The following GPATCH2L variants were observed in gnomAD, a reference collection of about 807,000 sequenced individuals.
GPATCH2L encodes the protein G-patch domain containing 2 like, also known as G patch domain-containing protein 2-like.
Under a neutral mutation model 57.4 loss-of-function variants are expected in GPATCH2L, and 31 were observed. The ratio of observed to expected loss-of-function variants is 0.54; its 90% CI spans 0.41 to 0.73. The LOEUF is 0.73. GPATCH2L is among the 30% of genes least tolerant of loss of function. GPATCH2L has a pLI of 0.00. For missense variants in GPATCH2L, 481 were observed against 599.9 expected (o/e 0.80, Z 2.07); for synonymous variants, 199 against 210.7 (o/e 0.94, Z 0.48).
At chr14:76,229,041 A>T (rs2040548895) in intron 1 of GPATCH2L, among the ~76,000 whole-genome samples, 1 of 152,186 alleles carries the variant, frequency 6.6e-6, no homozygotes, top group African/African-American at 2.4e-5. Context: ...CTGTCTCCTG[A>T]CAGAGGCACT....
chr14:76,206,617 G>T lies in GPATCH2L; in HGVS notation c.*4766G>T, dbSNP rs1008690324. Reference sequence around the variant, plus strand: ...GTGGGAAGCAATGGGGAGAGAAAGGGAGATGCCCAGAGCAGGAATTCTCAA... The same window carrying T: ...GTGGGAAGCAATGGGGAGAGAAAGGTAGATGCCCAGAGCAGGAATTCTCAA... On this transcript the variant is annotated 3_prime_UTR_variant, in exon 10 of 10. Coordinates refer to ENST00000261530, the MANE Select transcript of GPATCH2L (RefSeq NM_017926.4). 22 of 152,404 alleles carry T rather than the reference G, an allele frequency of 1.4e-4. No individual in the cohort carries two copies. The highest frequency in any genetic ancestry group is 5.3e-4 in the African/African-American group (22 of 41,456). 9.4% of individuals were successfully genotyped at this position (152,404 alleles called of 1,614,324 possible).
rs1404006367 is a variant in GPATCH2L, at chr14:76,212,838, A to C, written c.*10987A>C. On this transcript the variant is annotated 3_prime_UTR_variant, in exon 10 of 10. Transcript: ENST00000261530. ...TTTGAGGATAGGTGGTCAGAAAAAA[A>C]AATGCAATAAATTAAAGCCAGAAAA... 1 of 152,168 alleles carries C rather than the reference A, an allele frequency of 6.6e-6. No homozygotes were observed. The highest frequency in any genetic ancestry group is 2.4e-5 in the African/African-American group (1 of 41,458). 9.4% of individuals were successfully genotyped at this position (152,168 alleles called of 1,614,324 possible). A position where few individuals can be genotyped will look rare whatever the true frequency, so the allele number is the denominator to read the frequency against.
chr14:76,196,197 A>G (rs888404434), intron 9 of GPATCH2L: 24 of 656,506 alleles, frequency 3.7e-5, no homozygotes, highest in Admixed American at 1.3e-4. Flanking sequence ...GAAACCCTAT[A>G]TTCCACTATC....
At position 76,162,449 on chromosome 14, in the gene GPATCH2L, C is replaced by T. The variant is rs183937694; in HGVS notation, c.663-4214C>T. The stretch of plus-strand genomic sequence containing the variant: ...TTGCAGAAGTGGCAACCTATTGCTT[C>T]TGCCGTGTGCGATCAGTTATACAGA... On this transcript the variant is annotated intron_variant, in intron 2 of 9. Coordinates refer to ENST00000261530, the MANE Select transcript of GPATCH2L (RefSeq NM_017926.4). 3.9e-5 allele frequency among the ~76,000 whole-genome samples: 6 copies of T among 152,308 alleles called. No individual in the cohort carries two copies. The East Asian group carries it at 1.2e-3, about 29-fold the overall frequency.
chr14:76,163,806 G>T (rs540347959), intron 2 of GPATCH2L, among the ~76,000 whole-genome samples: 15 of 152,276 alleles, frequency 9.9e-5, no homozygotes, highest in African/African-American at 2.9e-4. Context: ...CCATATAAGG[G>T]CAGGCAACAG....
chr14:76,177,771 T>C (rs2039396053), intron 6 of GPATCH2L: 1 of 657,432 alleles, frequency 1.5e-6, no homozygotes, highest in Non-Finnish European at 2.7e-6. Flanking sequence ...TTACATCTTT[T>C]CTCTATTCCC....
At chr14:76,215,800 A>C (rs982769111), downstream of GPATCH2L, among the ~76,000 whole-genome samples, 5 of 150,200 alleles carry the variant, frequency 3.3e-5, no homozygotes, top group African/African-American at 9.7e-5. Flanking sequence ...TGGCATCGGG[A>C]GATATACCTA....
rs757781539 is a variant in GPATCH2L, at chr14:76,201,751, C to G, written c.1349C>G (p.Ser450Cys). Residue 450 changes from serine (S) to cysteine (C), a missense_variant, in exon 10 of 10, where the codon TCT (serine) becomes TGT (cysteine). Physicochemically the swap from Ser to Cys is moderately radical, Grantham distance 112. Around this residue, in one of 3 missense-constraint regions of GPATCH2L, gnomAD observed 248 missense variants for 270.5 expected, o/e 0.92. Coordinates refer to ENST00000261530, the MANE Select transcript of GPATCH2L (RefSeq NM_017926.4). ...PASQAPKSPS[S>C]EWLVRTSAAE... is the part of the protein sequence containing the mutation. Reference sequence around the variant, plus strand: ...TCACAAGCCCCCAAATCACCCAGCTCTGAGTGGTTGGTGAGGACCTCTGCA... The same window carrying G: ...TCACAAGCCCCCAAATCACCCAGCTGTGAGTGGTTGGTGAGGACCTCTGCA... The G allele has an allele frequency of 1.4e-5, 23 of 1,613,924 alleles. No homozygotes were observed. The highest frequency in any genetic ancestry group is 1.9e-5 in the Non-Finnish European group (23 of 1,179,922).
intron 2 of GPATCH2L, among the ~76,000 whole-genome samples, chr14:76,160,419 T>C (rs1029752312): frequency 6.6e-6 from 1 of 152,170 alleles, no homozygotes; most frequent in Non-Finnish European, 1.5e-5. Context: ...GTATTCTCTA[T>C]TGCTACAGAA....
At chr14:76,156,910 G>A (rs544110983) in intron 2 of GPATCH2L, among the ~76,000 whole-genome samples, 1 of 152,286 alleles carries the variant, frequency 6.6e-6, no homozygotes, top group East Asian at 1.9e-4. Context: ...GCACATTCTA[G>A]TCAGGATGTA....
At chr14:76,155,646 C>G (rs2038272160) in intron 2 of GPATCH2L, among the ~76,000 whole-genome samples, 1 of 152,314 alleles carries the variant, frequency 6.6e-6, no homozygotes, top group Admixed American at 6.5e-5. Flanking sequence ...AAATTTGTCT[C>G]TAATGGGTAC....
Position 76,224,075 on chromosome 14 carries a change from G to C in GPATCH2L, c.66-5733G>C, listed in dbSNP as rs369825422. On this transcript the variant is annotated intron_variant and NMD_transcript_variant, in intron 1 of 3. Coordinates refer to the GPATCH2L transcript ENST00000556372. ...TCTGCCATGAAAAGACTGAAGTACTGATTCATGTGGCAACATGGATTAACT... is the reference window on the plus strand; with the variant it reads ...TCTGCCATGAAAAGACTGAAGTACTCATTCATGTGGCAACATGGATTAACT... Among the ~76,000 whole-genome samples the C allele has an allele frequency of 5.3e-4, 80 of 152,330 alleles. 2 individuals carry two copies. The South Asian group carries it at 0.016, about 31-fold the overall frequency.
rs530452524 is a variant in GPATCH2L, at chr14:76,162,579, A to G, written c.663-4084A>G. On this transcript the variant is annotated intron_variant, in intron 2 of 9. Coordinates refer to ENST00000261530, the MANE Select transcript of GPATCH2L (RefSeq NM_017926.4). The stretch of plus-strand genomic sequence containing the variant: ...GTCTGGTTAATTACCACAGATGACT[A>G]CTGGCTTTCTGAAACTTTTTTTTCC... 2.0e-5 allele frequency among the ~76,000 whole-genome samples: 3 copies of G among 152,300 alleles called. No homozygotes were observed. In the East Asian group the frequency reaches 5.8e-4, roughly 29 times the overall value.
rs1594897983 is a variant in GPATCH2L at position 76,154,837 on chromosome 14, C to T, written c.474C>T (p.Cys158=). The change falls in exon 2 of 10, where the codon TGC becomes TGT. Residue 158 remains cysteine (C), a synonymous_variant. Coordinates refer to ENST00000261530, the MANE Select transcript of GPATCH2L (RefSeq NM_017926.4). The surrounding 1 kb of genome is among the most constrained non-coding windows in gnomAD (Gnocchi z 4.4). ...CAGATTGGAGCTATGAGAGAGGCTGCAGGTTCAAGTCTGCTAAGAAGCAGC... is the reference window on the plus strand; with the variant it reads ...CAGATTGGAGCTATGAGAGAGGCTGTAGGTTCAAGTCTGCTAAGAAGCAGC... ...KVSDWSYERG[C]RFKSAKKQRL... 6.2e-7 allele frequency: 1 copy of T among 1,614,050 alleles called. No individual in the cohort carries two copies. The highest frequency in any genetic ancestry group is 8.5e-7 in the Non-Finnish European group (1 of 1,179,994).
chr14:76,235,258 GT>G lies in GPATCH2L; in HGVS notation c.*117+5306del, dbSNP rs200588527. 3.7e-4 allele frequency among the ~76,000 whole-genome samples: 57 copies of G among 152,048 alleles called. 1 individual carries two copies. In the East Asian group the frequency reaches 9.9e-3, roughly 26 times the overall value. On this transcript the variant is annotated intron_variant and NMD_transcript_variant, in intron 2 of 3. Transcript: ENST00000556372. ...TGAATGACTGATATGGTTTGGCTGTGTCCCCACCCAAATCTCACCTTGAATT... is the reference window on the plus strand; with the variant it reads ...TGAATGACTGATATGGTTTGGCTGTGCCCCACCCAAATCTCACCTTGAATT...
Position 76,154,491 on chromosome 14 carries a change from G to GAGGTCGGA in GPATCH2L, c.131_138dup (p.Arg47ValfsTer39). ...CAGAGGCGGCAGCTTCGGAAACGCC[G>GAGGTCGGA]AGGTCGGAAGCGTCGTTCTGACTTC... On this transcript the variant is annotated frameshift_variant, in exon 2 of 10. Transcript: ENST00000261530. LOFTEE classifies it high-confidence loss of function. The surrounding 1 kb of genome is among the most constrained non-coding windows in gnomAD (Gnocchi z 4.4). 6.2e-7 allele frequency: 1 copy of GAGGTCGGA among 1,614,158 alleles called. No individual in the cohort carries two copies. The highest frequency in any genetic ancestry group is 8.5e-7 in the Non-Finnish European group (1 of 1,180,042).
At chr14:76,198,793 C>CT (rs5809752) in intron 9 of GPATCH2L, among the ~76,000 whole-genome samples, 85,682 of 152,004 alleles carry the variant, frequency 0.56, 26,417 homozygotes, top group South Asian at 0.77. Context: ...AGCAGGACTG[C>CT]TTATCTGTTT....
At position 76,171,924 on chromosome 14, in the gene GPATCH2L, C is replaced by T. The variant is rs1163760163; in HGVS notation, c.809C>T (p.Ala270Val). Residue 270 changes from alanine (A) to valine (V), a missense_variant, in exon 4 of 10, where the codon GCT becomes GTT. Physicochemically the swap from Ala to Val is moderately conservative, Grantham distance 64 (BLOSUM62 0). Transcript: ENST00000261530. Reference protein sequence around the residue: ...FTVPNLLPKWAPDHCSEVERM... With the variant: ...FTVPNLLPKWVPDHCSEVERM... Reference sequence around the variant, plus strand: ...GTCCCTAATCTTCTGCCCAAGTGGGCTCCTGATCATTGTTCTGAAGTAGAA... The same window carrying T: ...GTCCCTAATCTTCTGCCCAAGTGGGTTCCTGATCATTGTTCTGAAGTAGAA... 6.2e-7 allele frequency: 1 copy of T among 1,607,880 alleles called. No homozygotes were observed. The highest frequency in any genetic ancestry group is 1.7e-5 in the Admixed American group (1 of 59,906).
At chr14:76,172,049 GC>G (rs781626911) in intron 4 of GPATCH2L, 30 bp downstream of exon 4, 4 of 1,465,772 alleles carry the variant, frequency 2.7e-6, no homozygotes, top group Non-Finnish European at 3.7e-6. Flanking sequence ...AGAACTTAAT[GC>G]TTTTATGGTT....
Sources: allele counts gnomAD v4.1 joint callset (sites outside exome capture counted in the v4.1 genomes callset), GRCh38; gene constraint gnomAD v4.1.1; regional missense constraint gnomAD v4.1.1; non-coding constraint Gnocchi (gnomAD v3.1); transcripts MANE v1.5; gene names NCBI Gene and HGNC (gene_info 2026-07-23, HGNC 2026-07-21).